Variants in OVCH1 observed in about 807,000 individuals in gnomAD.
OVCH1 encodes ovochymase 1, also known as ovochymase-1.
A neutral mutation model predicts 138.4 loss-of-function variants in OVCH1; 139 were observed. That is an observed-to-expected ratio of 1.00 (90% confidence interval 0.87 to 1.16). The LOEUF (loss-of-function observed/expected upper bound fraction) is 1.16. OVCH1 is among the 50% of genes most tolerant of loss of function. The probability of loss-of-function intolerance (pLI) is 0.00; values close to 1 mark genes in which losing one functional copy is unlikely to be tolerated. For synonymous variants in OVCH1, 453 were observed against 467.8 expected, an observed-to-expected ratio of 0.97 and a Z score of 0.41; for missense variants, 1,367 against 1,357.9, an observed-to-expected ratio of 1.01 and a Z score of -0.11.
intron 22 of OVCH1, among the ~76,000 whole-genome samples, chr12:29,446,078 A>G (rs911355311): frequency 6.6e-6 from 1 of 151,732 alleles, no homozygotes; most frequent in Non-Finnish European, 1.5e-5. Flanking sequence ...TTCCCATTTC[A>G]TTTTTTCTTC....
downstream of OVCH1, among the ~76,000 whole-genome samples, chr12:29,409,146 G>A (rs144346226): frequency 0.31 from 47,033 of 151,830 alleles, 8,578 homozygotes; most frequent in Middle Eastern, 0.52. Context: ...TGTGGGATCC[G>A]TGGTGATATC....
intron 18 of OVCH1, among the ~76,000 whole-genome samples, chr12:29,463,718 CAT>C (rs896793266): frequency 3.9e-5 from 6 of 152,190 alleles, no homozygotes; most frequent in African/African-American, 9.6e-5. Context: ...AAAAGCTCCT[CAT>C]GTGTTGGGTG....
chr12:29,429,089 G>T (rs1941226456), intron 27 of OVCH1, among the ~76,000 whole-genome samples: 1 of 152,124 alleles, frequency 6.6e-6, no homozygotes, highest in Non-Finnish European at 1.5e-5. Flanking sequence ...GATTATTCTG[G>T]CTAATGGAAC....
At chr12:29,443,470 A>C in exon 25 of OVCH1, 2 of 1,608,050 alleles carry the variant, frequency 1.2e-6, no homozygotes, top group Non-Finnish European at 8.5e-7. Flanking sequence ...GAATGATGTG[A>C]TTTAAAGGGG....
intron 4 of OVCH1, among the ~76,000 whole-genome samples, chr12:29,492,003 T>C (rs375113162): frequency 6.6e-6 from 1 of 152,080 alleles, no homozygotes; most frequent in African/African-American, 2.4e-5. Flanking sequence ...TGTTTGTGTG[T>C]TGGGTGAGAG....
At chr12:29,404,780 T>C in the OVCH1 span, among the ~76,000 whole-genome samples, 1 of 151,834 alleles carries the variant, frequency 6.6e-6, no homozygotes, top group African/African-American at 2.4e-5. Context: ...TCCAGCACTT[T>C]GGGAGGCTGA....
rs770736740 is a variant in OVCH1 at position 29,465,158 on chromosome 12, A to T, written c.1918T>A (p.Ser640Thr). ...AAACATTTTTTCACCTGCTCTGTTG[A>T]TTCCTTCAGGTTTCTGTCATGGTCC... The change falls in exon 17 of 28, where the codon TCA (serine) becomes ACA (threonine). Residue 640 changes from serine (S) to threonine (T), a missense_variant. By Grantham distance (58) the Ser-to-Thr change is moderately conservative. Transcript: ENST00000318184. 4 of 1,602,640 alleles carry T rather than the reference A, an allele frequency of 2.5e-6. No individual in the cohort carries two copies. The Admixed American group carries it at 6.8e-5, about 27-fold the overall frequency.
At chr12:29,413,516 A>T (rs1322560951) in intron 3 of OVCH1, among the ~76,000 whole-genome samples, 1 of 152,326 alleles carries the variant, frequency 6.6e-6, no homozygotes, top group East Asian at 1.9e-4. Flanking sequence ...TATATCTAAT[A>T]CATATTTTTA....
At chr12:29,434,542 A>C (rs1462194871) in intron 26 of OVCH1, among the ~76,000 whole-genome samples, 1 of 152,170 alleles carries the variant, frequency 6.6e-6, no homozygotes, top group African/African-American at 2.4e-5. Flanking sequence ...GGAACAAAAG[A>C]AGCACAAGAA....
chr12:29,417,791 G>GTGTGTGTC (rs1555140780), intron 3 of OVCH1, among the ~76,000 whole-genome samples: 10 of 139,398 alleles, frequency 7.2e-5, no homozygotes, highest in African/African-American at 2.5e-4. Flanking sequence ...GTGTGTGTGT[G>GTGTGTGTC]TGTCTGTGTC....
intron 4 of OVCH1, among the ~76,000 whole-genome samples, chr12:29,492,078 T>C (rs574690577): frequency 6.6e-6 from 1 of 152,194 alleles, no homozygotes; most frequent in Admixed American, 6.5e-5. Context: ...GGAAAAATAA[T>C]AGGATAAAGG....
At chr12:29,475,132 A>C in exon 14 of OVCH1, 1 of 1,565,056 alleles carries the variant, frequency 6.4e-7, no homozygotes, top group Non-Finnish European at 8.7e-7. Flanking sequence ...AAAGTATATC[A>C]CCGTCATGTT....
At chr12:29,496,917 C>CG (rs1196388416) in intron 1 of OVCH1, among the ~76,000 whole-genome samples, 1 of 152,176 alleles carries the variant, frequency 6.6e-6, no homozygotes, top group African/African-American at 2.4e-5. Flanking sequence ...AAGGAGCCAG[C>CG]GCTGCCTCTG....
chr12:29,487,658 G>C, intron 7 of OVCH1, 35 bp downstream of exon 7: 1 of 1,538,880 alleles, frequency 6.5e-7, no homozygotes, highest in Non-Finnish European at 8.8e-7. Context: ...CTACCCTTGA[G>C]TTAGGATGAG....
intron 3 of OVCH1, among the ~76,000 whole-genome samples, chr12:29,418,019 CTG>C (rs1941055365): frequency 6.6e-6 from 1 of 152,166 alleles, no homozygotes; most frequent in African/African-American, 2.4e-5. Context: ...TTACAGACCC[CTG>C]TGTGTCCATG....
intron 22 of OVCH1, among the ~76,000 whole-genome samples, chr12:29,447,077 A>G (rs1045440745): frequency 6.6e-6 from 1 of 152,156 alleles, no homozygotes; most frequent in Admixed American, 6.5e-5. Context: ...AATAAACATG[A>G]CAAAGGAAAA....
chr12:29,409,208 A>C (rs1397519705), downstream of OVCH1, among the ~76,000 whole-genome samples: 1 of 151,338 alleles, frequency 6.6e-6, no homozygotes, highest in Admixed American at 6.6e-5. Flanking sequence ...TTTTTTCTTT[A>C]TTAGTCTTGC....
chr12:29,471,235 T>C (rs905860450), intron 16 of OVCH1, among the ~76,000 whole-genome samples: 3 of 152,194 alleles, frequency 2.0e-5, no homozygotes, highest in African/African-American at 4.8e-5. Context: ...TATTATTTCA[T>C]ATAATGGAAG....
intron 15 of OVCH1, among the ~76,000 whole-genome samples, chr12:29,472,443 A>G (rs184044809): frequency 2.1e-4 from 32 of 152,246 alleles, no homozygotes; most frequent in Non-Finnish European, 1.5e-5. Context: ...AAACATATCA[A>G]ATTTGCTCAG....
Sources: allele counts gnomAD v4.1 joint callset (sites outside exome capture counted in the v4.1 genomes callset), GRCh38; gene constraint gnomAD v4.1.1; transcripts MANE v1.5; gene names NCBI Gene and HGNC (gene_info 2026-07-23, HGNC 2026-07-21).